Variants in NTRK1 observed in about 807,000 individuals in gnomAD.
NTRK1 encodes high affinity nerve growth factor receptor.
NTRK1 carries 62 observed loss-of-function variants against 86.8 expected under a neutral mutation model. The ratio of observed to expected loss-of-function variants is 0.71; its 90% CI spans 0.58 to 0.88. NTRK1 has a LOEUF of 0.88. Among genes scored for constraint, NTRK1 ranks in the 40% least tolerant of loss-of-function variants. The pLI is 0.00. For missense variants in NTRK1, 967 were observed against 1,078.4 expected (o/e 0.90, Z 1.45); for synonymous variants, 469 against 456.6 (o/e 1.03, Z -0.35).
intron 2 of NTRK1, chr1:156,845,301 G>A: frequency 6.2e-7 from 1 of 1,612,844 alleles, no homozygotes; most frequent in East Asian, 2.2e-5. Flanking sequence ...GAGTCCCTGG[G>A]GAGAGCGAGT....
chr1:156,863,077 G>A (rs1655751548), intron 1 of NTRK1, among the ~76,000 whole-genome samples: 1 of 151,214 alleles, frequency 6.6e-6, no homozygotes, highest in South Asian at 2.1e-4. Flanking sequence ...GTATTGTTGG[G>A]GTGGGGGGGG....
chr1:156,821,453 C>CTGTGTGTGTGTGTG (rs59579534), intron 1 of NTRK1, among the ~76,000 whole-genome samples: 26 of 138,018 alleles, frequency 1.9e-4, no homozygotes, highest in African/African-American at 6.9e-4. Context: ...CTAATTTAGC[C>CTGTGTGTGTGTGTG]TGTGTGTGTG....
intron 2 of NTRK1, chr1:156,851,434 T>C: frequency 1.9e-6 from 3 of 1,614,102 alleles, no homozygotes; most frequent in Non-Finnish European, 2.5e-6. Context: ...CTCCAGGTTG[T>C]CTAGGGATGG....
intron 2 of NTRK1, chr1:156,844,366 G>T (rs1654909546): frequency 4.5e-6 from 7 of 1,549,824 alleles, no homozygotes; most frequent in Non-Finnish European, 5.3e-6. Context: ...GCTGGGAGGT[G>T]AGGATGGGGA....
chr1:156,848,191 C>T (rs1363064610), intron 2 of NTRK1, among the ~76,000 whole-genome samples: 1 of 152,062 alleles, frequency 6.6e-6, no homozygotes, highest in African/African-American at 2.4e-5. Flanking sequence ...AACTGACTTC[C>T]TTCCTTTCTC....
chr1:156,842,980 A>C (rs1391081125), intron 2 of NTRK1: 1 of 1,567,340 alleles, frequency 6.4e-7, no homozygotes, highest in Non-Finnish European at 8.8e-7. Flanking sequence ...TATGACCCTG[A>C]CAATGCCCTT....
chr1:156,841,382 G>A (rs892680822), intron 1 of NTRK1: 2 of 1,612,930 alleles, frequency 1.2e-6, no homozygotes, highest in South Asian at 1.1e-5. Flanking sequence ...AGGGGCAGGG[G>A]AGGTGACTCA....
chr1:156,846,442 C>G, intron 2 of NTRK1: 1 of 1,221,692 alleles, frequency 8.2e-7, no homozygotes, highest in East Asian at 2.4e-5. Flanking sequence ...CCCGGCTTCT[C>G]TATTTCTGGT....
chr1:156,842,138 G>A lies in NTRK1; in HGVS notation c.-6G>A. 6.2e-7 allele frequency: 1 copy of A among 1,613,962 alleles called. No homozygotes were observed. On this transcript the variant is annotated 5_prime_UTR_variant, in exon 2 of 17. Transcript: ENST00000392302. ...CCCGATCTTGACGGTGAAGTCCTGG[G>A]ACACCATGCAGTTGCGGGCTGCTAG... is the stretch of plus-strand genomic sequence containing the variant.
At chr1:156,817,071 C>CTCTCTCTCTCTCTCTCTCTT (rs1310563118) in intron 1 of NTRK1, among the ~76,000 whole-genome samples, 14 of 151,696 alleles carry the variant, frequency 9.2e-5, no homozygotes, top group Non-Finnish European at 2.1e-4. Context: ...CTCTCTCTCT[C>CTCTCTCTCTCTCTCTCTCTT]TCTCATCTCT....
At chr1:156,845,018 T>C in intron 2 of NTRK1, 5 of 1,554,218 alleles carry the variant, frequency 3.2e-6, no homozygotes, top group Non-Finnish European at 3.5e-6. Context: ...CCCAAACCTT[T>C]GCACAGGGTC....
At chr1:156,841,443 C>G in intron 1 of NTRK1, 1 of 1,613,916 alleles carries the variant, frequency 6.2e-7, no homozygotes, top group Non-Finnish European at 8.5e-7. Context: ...CCATCCATGA[C>G]GAACTTCAGC....
intron 7 of NTRK1, among the ~76,000 whole-genome samples, chr1:156,873,301 C>G (rs1647676142): frequency 6.6e-6 from 1 of 152,052 alleles, no homozygotes. Flanking sequence ...ACACTGACTT[C>G]TTCTAGATTC....
chr1:156,856,480 A>G (rs1437804361), upstream of NTRK1, among the ~76,000 whole-genome samples: 1 of 152,174 alleles, frequency 6.6e-6, no homozygotes, highest in Non-Finnish European at 1.5e-5. Context: ...TGTAGGGTGT[A>G]GATAAACCAT....
chr1:156,860,723 A>C, upstream of NTRK1: 5 of 944,732 alleles, frequency 5.3e-6, no homozygotes, highest in Non-Finnish European at 7.1e-6. Flanking sequence ...GGGGGCCCCT[A>C]ACAGGGGAGG....
At chr1:156,837,565 C>A (rs996720101) in intron 1 of NTRK1, among the ~76,000 whole-genome samples, 2 of 152,158 alleles carry the variant, frequency 1.3e-5, no homozygotes, top group African/African-American at 4.8e-5. Context: ...AGTACTTTGT[C>A]AATCGACCTC....
At chr1:156,860,642 C>T (rs976926038), upstream of NTRK1, among the ~76,000 whole-genome samples, 2 of 152,200 alleles carry the variant, frequency 1.3e-5, no homozygotes, top group Non-Finnish European at 2.9e-5. Flanking sequence ...CAGACACCTC[C>T]GAGGCGTTCT....
At chr1:156,832,957 A>G (rs888667375) in intron 1 of NTRK1, among the ~76,000 whole-genome samples, 1 of 152,188 alleles carries the variant, frequency 6.6e-6, no homozygotes, top group African/African-American at 2.4e-5. Flanking sequence ...AGGACCTACT[A>G]TGAGTGGGTA....
intron 2 of NTRK1, chr1:156,846,073 G>T: frequency 3.1e-6 from 5 of 1,611,688 alleles, no homozygotes; most frequent in Non-Finnish European, 4.2e-6. Flanking sequence ...CCAGGAGGTG[G>T]GAGGAGGAGT....
Sources: gnomAD v4.1 joint callset for allele counts (sites outside exome capture counted in the v4.1 genomes callset) on GRCh38, gnomAD v4.1.1 for gene constraint, MANE v1.5 for transcripts, NCBI Gene and HGNC (gene_info 2026-07-23, HGNC 2026-07-21) for gene names.